FLT1: variants seen among roughly 807,000 people sequenced by gnomAD.
FLT1 encodes the protein fms related receptor tyrosine kinase 1.
Under a neutral mutation model 156.3 loss-of-function variants are expected in FLT1, and 49 were observed. The ratio of observed to expected loss-of-function variants is 0.31; its 90% CI spans 0.25 to 0.40. FLT1 has a LOEUF of 0.40. Ranked by LOEUF, FLT1 falls within the 10% of genes least tolerant of loss-of-function variation. The pLI, the probability that FLT1 is intolerant of heterozygous loss-of-function variation, is 1.00. For synonymous variants in FLT1, 594 were observed against 583.8 expected (o/e 1.02, Z -0.25); for missense variants, 1,322 against 1,637.2 (o/e 0.81, Z 3.32).
chr13:28,376,787 G>A (rs1237703562), intron 14 of FLT1, among the ~76,000 whole-genome samples: 1 of 152,196 alleles, frequency 6.6e-6, no homozygotes, highest in Non-Finnish European at 1.5e-5. Context: ...AGGTAGAAAG[G>A]AGACTTTTTG....
chr13:28,410,782 T>C (rs1324347891), intron 10 of FLT1, among the ~76,000 whole-genome samples: 1 of 152,226 alleles, frequency 6.6e-6, no homozygotes, highest in Non-Finnish European at 1.5e-5. Flanking sequence ...TGATCCTTAT[T>C]TCATAAATCC....
At chr13:28,318,437 C>A in intron 24 of FLT1, among the ~76,000 whole-genome samples, 1 of 152,106 alleles carries the variant, frequency 6.6e-6, no homozygotes, top group Non-Finnish European at 1.5e-5. Flanking sequence ...GGGATTCTTG[C>A]CAGGGCTGGG....
intron 14 of FLT1, among the ~76,000 whole-genome samples, chr13:28,377,381 C>T (rs917611211): frequency 6.7e-6 from 1 of 149,796 alleles, no homozygotes; most frequent in Non-Finnish European, 1.5e-5. Context: ...TGTATCTTTT[C>T]AGCTATCCAA....
rs189070636 is a variant in FLT1, at chr13:28,351,784, A to T, written c.2248+5770T>A. Among the ~76,000 whole-genome samples, 7 of 152,382 alleles carry T rather than the reference A, an allele frequency of 4.6e-5. No individual in the cohort carries two copies. In the East Asian group the frequency reaches 1.3e-3, roughly 29 times the overall value. The stretch of plus-strand genomic sequence containing the variant: ...AAGTCAAACAGGAATTCTGTGGCTT[A>T]GAACACCTTTTAGGTGACCCACTGG... On this transcript the variant is annotated intron_variant, in intron 15 of 29. Coordinates refer to ENST00000282397, the MANE Select transcript of FLT1 (RefSeq NM_002019.4).
intron 24 of FLT1, among the ~76,000 whole-genome samples, chr13:28,319,060 C>T (rs536890915): frequency 3.5e-4 from 53 of 152,052 alleles, no homozygotes; most frequent in African/African-American, 7.0e-4. Context: ...GTGGGAGACG[C>T]GGGGAGGGAA....
chr13:28,319,334 T>C, intron 24 of FLT1, 89 bp downstream of exon 24: 1 of 864,972 alleles, frequency 1.2e-6, no homozygotes. Flanking sequence ...TAGGTTCTAA[T>C]CTAAAGGCTG....
chr13:28,303,501 C>A (rs572569356), intron 29 of FLT1, 133 bp from the exon 30 acceptor site: 8 of 775,978 alleles, frequency 1.0e-5, no homozygotes, highest in Non-Finnish European at 1.7e-5. Flanking sequence ...AACCCCCCCC[C>A]CCTCAATTGC....
intron 1 of FLT1, among the ~76,000 whole-genome samples, chr13:28,492,001 A>T (rs1881496564): frequency 6.6e-6 from 1 of 152,234 alleles, no homozygotes. Flanking sequence ...TTCCTTTGTA[A>T]CATGATGCTT....
At chr13:28,433,678 A>G in intron 6 of FLT1, 141 bp downstream of exon 6, 1 of 804,274 alleles carries the variant, frequency 1.2e-6, no homozygotes. Context: ...AAAGCACTCA[A>G]ACCAAACCCA....
rs927497617 is a variant in FLT1 at position 28,386,107 on chromosome 13, A to G, written c.1970-1076T>C. The stretch of plus-strand genomic sequence containing the variant: ...TATACAGTATGAGCTTTCTCTGCCC[A>G]TTTTCGATTTCCTCATCTTAGTGTA... On this transcript the variant is annotated intron_variant, in intron 13 of 29. Transcript: ENST00000282397. 10 of 1,053,554 alleles carry G rather than the reference A, an allele frequency of 9.5e-6. No individual in the cohort carries two copies. In the African/African-American group the frequency reaches 1.7e-4, roughly 17 times the overall value. 65.3% of individuals were successfully genotyped at this position (1,053,554 alleles called of 1,614,324 possible).
chr13:28,306,478 C>G (rs1870754581), intron 29 of FLT1, among the ~76,000 whole-genome samples, 200 bp downstream of exon 29: 2 of 152,210 alleles, frequency 1.3e-5, no homozygotes, highest in African/African-American at 4.8e-5. Context: ...CATGTTTTCC[C>G]CAGAGCTTGC....
chr13:28,321,648 C>G (rs1053348654), intron 22 of FLT1, 63 bp from the exon 23 acceptor site: 21 of 1,520,346 alleles, frequency 1.4e-5, no homozygotes, highest in Non-Finnish European at 1.6e-5. Context: ...TTTCCTACAC[C>G]TGTCAGTGTC....
chr13:28,442,517 C>T (rs1480407559), intron 3 of FLT1, among the ~76,000 whole-genome samples: 1 of 152,214 alleles, frequency 6.6e-6, no homozygotes, highest in East Asian at 1.9e-4. Context: ...AATTTTACTA[C>T]AGCTATTGGC....
At chr13:28,376,844 G>A (rs1447802008) in intron 14 of FLT1, among the ~76,000 whole-genome samples, 1 of 152,170 alleles carries the variant, frequency 6.6e-6, no homozygotes, top group East Asian at 1.9e-4. Context: ...GCCTGAAGAG[G>A]GAGTAAAGAC....
intron 24 of FLT1, among the ~76,000 whole-genome samples, chr13:28,318,940 T>G (rs551391275): frequency 6.6e-6 from 1 of 152,216 alleles, no homozygotes; most frequent in East Asian, 1.9e-4. Context: ...CAGAGCCATA[T>G]CATGTGTTCA....
At position 28,300,666 on chromosome 13, in the gene FLT1, C is replaced by T. The variant is rs1566274018; in HGVS notation, c.*2501G>A. 4.3e-6 allele frequency: 1 copy of T among 232,728 alleles called. No homozygotes were observed. The highest frequency in any genetic ancestry group is 8.5e-6 in the Non-Finnish European group (1 of 118,000). The allele number at this position is 232,728 out of a possible 1,614,324, so 14.4% of individuals were successfully genotyped here. A position where few individuals can be genotyped will look rare whatever the true frequency, so the allele number is the denominator to read the frequency against. ...CATTCTTGTGGGCTAGGAAACAAGGCACGGGTCCCTAAAATTAACATCTCG... is the reference window on the plus strand; with the variant it reads ...CATTCTTGTGGGCTAGGAAACAAGGTACGGGTCCCTAAAATTAACATCTCG... On this transcript the variant is annotated 3_prime_UTR_variant, in exon 30 of 30. Coordinates refer to ENST00000282397, the MANE Select transcript of FLT1 (RefSeq NM_002019.4).
chr13:28,303,623 C>T (rs1249124618), intron 29 of FLT1, among the ~76,000 whole-genome samples: 2 of 151,736 alleles, frequency 1.3e-5, no homozygotes, highest in Non-Finnish European at 1.5e-5. Context: ...GATAAGATAA[C>T]GCAAATCCAT....
chr13:28,460,407 T>C (rs888308590), intron 3 of FLT1, among the ~76,000 whole-genome samples: 8 of 145,014 alleles, frequency 5.5e-5, no homozygotes, highest in African/African-American at 1.9e-4. Context: ...GACTTTGCTT[T>C]TTATGTCTCT....
chr13:28,339,420 C>T (rs1872245754), intron 16 of FLT1, 120 bp from the exon 17 acceptor site: 1 of 1,023,786 alleles, frequency 9.8e-7, no homozygotes, highest in Non-Finnish European at 1.4e-6. Flanking sequence ...TGGCCAGGTG[C>T]AGAAAGTACT....
Sources: gnomAD v4.1 joint callset for allele counts (sites outside exome capture counted in the v4.1 genomes callset) on GRCh38, gnomAD v4.1.1 for gene constraint, MANE v1.5 for transcripts, NCBI Gene and HGNC (gene_info 2026-07-23, HGNC 2026-07-21) for gene names.